TECTA: variants seen among roughly 807,000 people sequenced by gnomAD.
TECTA encodes tectorin alpha.
Under a neutral mutation model 216.8 loss-of-function variants are expected in TECTA, and 128 were observed. The ratio of observed to expected loss-of-function variants is 0.59; its 90% CI spans 0.51 to 0.68. The LOEUF (loss-of-function observed/expected upper bound fraction) is 0.68, where lower values mean the gene tolerates loss of function less well. Ranked by LOEUF, TECTA falls within the 30% of genes least tolerant of loss-of-function variation. The pLI is 0.00. For synonymous variants in TECTA, 1,089 were observed against 1,117.1 expected, an observed-to-expected ratio of 0.97 and a Z score of 0.50; for missense variants, 2,551 against 2,786.2, an observed-to-expected ratio of 0.92 and a Z score of 1.90.
intron 20 of TECTA, among the ~76,000 whole-genome samples, chr11:121,177,988 T>C (rs1302844105): frequency 6.6e-6 from 1 of 152,232 alleles, no homozygotes; most frequent in Admixed American, 6.5e-5. Flanking sequence ...GAGCCAGGTG[T>C]GGGATATAAT....
Position 121,137,787 on chromosome 11 carries a change from C to G in TECTA, c.3308C>G (p.Ser1103Ter). Reference sequence around the variant, plus strand: ...CGCACCGACGCCTCCTGCATCGTCTCAGGCTACGGCCACTACCTCACCTTT... The same window carrying G: ...CGCACCGACGCCTCCTGCATCGTCTGAGGCTACGGCCACTACCTCACCTTT... ...QARTDASCIVSGYGHYLTFDG... is the reference protein window; with the variant it reads ...QARTDASCIV Residue 1103 changes from serine to a stop codon, truncating the protein, a stop_gained, in exon 11 of 24, where the codon TCA becomes TGA. Transcript: ENST00000392793. LOFTEE classifies it high-confidence loss of function. The G allele has an allele frequency of 6.2e-7, 1 of 1,614,148 alleles. No individual in the cohort carries two copies. Among genetic ancestry groups the G allele is most frequent in the Non-Finnish European group, 8.5e-7 (1 of 1,179,982 alleles).
intron 1 of TECTA, 68 bp from the exon 2 acceptor site, chr11:121,102,597 C>T: frequency 8.1e-7 from 1 of 1,233,352 alleles, no homozygotes; most frequent in South Asian, 1.2e-5. Context: ...AGCCACTAAA[C>T]ACACCTGGTG....
chr11:121,185,249 T>C (rs557170334), intron 20 of TECTA, among the ~76,000 whole-genome samples: 81 of 152,374 alleles, frequency 5.3e-4, no homozygotes, highest in African/African-American at 1.9e-3. Flanking sequence ...TATTGTTTTT[T>C]TCCAGTGCAT....
At chr11:121,107,347 G>C (rs899780648) in intron 3 of TECTA, among the ~76,000 whole-genome samples, 4 of 152,198 alleles carry the variant, frequency 2.6e-5, no homozygotes, top group Non-Finnish European at 4.4e-5. Flanking sequence ...ATTTATTTGA[G>C]GGTAAATTGT....
At chr11:121,182,414 C>T (rs888033901) in intron 20 of TECTA, among the ~76,000 whole-genome samples, 1 of 151,994 alleles carries the variant, frequency 6.6e-6, no homozygotes, top group Non-Finnish European at 1.5e-5. Flanking sequence ...TGGGCCTGCC[C>T]TCAGTTTCCC....
intron 11 of TECTA, among the ~76,000 whole-genome samples, chr11:121,142,604 C>T (rs1198034800): frequency 1.3e-5 from 2 of 152,162 alleles, no homozygotes; most frequent in South Asian, 2.1e-4. Context: ...TGCAAGGTAA[C>T]TTAGGAAGAA....
In TECTA at chr11:121,113,093, C is replaced by G. The variant is rs1293383958; in HGVS notation, c.508C>G (p.Leu170Val). Residue 170 changes from leucine (L) to valine (V), a missense_variant, in exon 5 of 24, where the codon CTA becomes GTA. Physicochemically the swap from Leu to Val is conservative, Grantham distance 32 (BLOSUM62 1). This residue lies in a region of TECTA where 2,375 missense variants were observed against 2,563.9 expected (regional missense o/e 0.93). Transcript: ENST00000392793. The surrounding 1 kb of genome is among the most constrained non-coding windows in gnomAD (Gnocchi z 4.2). ...GTAGGTGAACACCTTCCAGGCCGTC[C>G]TAGTGTCCGATGGCTCCTATACATT... ...TTPVNTFQAVLVSDGSYTFTL... is the reference protein window; with the variant it reads ...TTPVNTFQAVVVSDGSYTFTL... 2.5e-6 allele frequency: 4 copies of G among 1,614,102 alleles called. No homozygotes were observed. Among genetic ancestry groups the G allele is most frequent in the Non-Finnish European group, 2.5e-6 (3 of 1,180,010 alleles).
chr11:121,117,495 T>G (rs2135065858), intron 6 of TECTA, among the ~76,000 whole-genome samples: 1 of 152,352 alleles, frequency 6.6e-6, no homozygotes, highest in East Asian at 1.9e-4. Flanking sequence ...CAGAAATGAT[T>G]TTAAAGACTG....
At chr11:121,154,235 G>A (rs1946920344) in intron 13 of TECTA, among the ~76,000 whole-genome samples, 1 of 152,148 alleles carries the variant, frequency 6.6e-6, no homozygotes, top group African/African-American at 2.4e-5. Flanking sequence ...AAGATACATT[G>A]ACTCATTCAA....
chr11:121,168,243 A>G (rs776721511), intron 19 of TECTA, 26 bp downstream of exon 19: 4 of 1,613,922 alleles, frequency 2.5e-6, no homozygotes, highest in African/African-American at 2.7e-5. Flanking sequence ...GGCTGTGCAC[A>G]TTGCTTTTTC....
chr11:121,143,358 G>C (rs1032212042), intron 11 of TECTA, among the ~76,000 whole-genome samples: 1 of 152,174 alleles, frequency 6.6e-6, no homozygotes, highest in African/African-American at 2.4e-5. Context: ...CTTTGCTGGG[G>C]CTGAGCCCTT....
intron 12 of TECTA, among the ~76,000 whole-genome samples, chr11:121,147,065 A>G (rs977153692): frequency 5.3e-5 from 8 of 151,900 alleles, no homozygotes; most frequent in Non-Finnish European, 8.8e-5. Flanking sequence ...GCACATAAGA[A>G]TAGGAAAAAC....
intron 7 of TECTA, among the ~76,000 whole-genome samples, chr11:121,120,667 C>G (rs1444965551): frequency 6.6e-6 from 1 of 152,114 alleles, no homozygotes; most frequent in Non-Finnish European, 1.5e-5. Flanking sequence ...GAACTGTTCT[C>G]AAATAACAAA....
In TECTA at chr11:121,158,142, C is replaced by T. The variant is rs150123288; in HGVS notation, c.4607C>T (p.Ala1536Val). The T allele has an allele frequency of 4.6e-5, 74 of 1,614,034 alleles. No homozygotes were observed. Among genetic ancestry groups the T allele is most frequent in the Non-Finnish European group, 5.6e-5 (66 of 1,180,058 alleles). Residue 1536 changes from alanine (A) to valine (V), a missense_variant, in exon 14 of 24, where the codon GCC (alanine) becomes GTC (valine). By Grantham distance (64) the Ala-to-Val change is moderately conservative. Around this residue, in one of 3 missense-constraint regions of TECTA, gnomAD observed 2,375 missense variants for 2,563.9 expected, o/e 0.93. Coordinates refer to ENST00000392793, the MANE Select transcript of TECTA (RefSeq NM_005422.4). The stretch of plus-strand genomic sequence containing the variant: ...ATCATCAACTTCGACAAGTGGTCGG[C>T]CCCCAACCTCACCATCATTTCGCCC... ...QLIINFDKWS[A>V]PNLTIISPVY... is the part of the protein sequence containing the mutation.
intron 10 of TECTA, 37 bp downstream of exon 10, chr11:121,130,248 C>G (rs2135085526): frequency 6.3e-7 from 1 of 1,594,780 alleles, no homozygotes; most frequent in South Asian, 1.1e-5. Context: ...GGCTTTCTAG[C>G]TGGGAAATAG....
intron 2 of TECTA, among the ~76,000 whole-genome samples, chr11:121,104,879 A>C (rs1163622738): frequency 1.3e-5 from 2 of 152,192 alleles, no homozygotes; most frequent in African/African-American, 4.8e-5. Context: ...AGAAAACGAT[A>C]GTGTCCTATT....
intron 20 of TECTA, among the ~76,000 whole-genome samples, chr11:121,186,085 C>G (rs7950879): frequency 3.5e-4 from 33 of 93,754 alleles, no homozygotes; most frequent in African/African-American, 1.4e-3. Context: ...AGCAGATGTT[C>G]AATGCTTAAT....
At chr11:121,172,382 C>T (rs1475368559) in intron 20 of TECTA, among the ~76,000 whole-genome samples, 2 of 151,730 alleles carry the variant, frequency 1.3e-5, no homozygotes, top group Non-Finnish European at 2.9e-5. Context: ...CGTTCCCCTT[C>T]CTGTGTCCAT....
intron 2 of TECTA, among the ~76,000 whole-genome samples, chr11:121,104,386 G>A (rs893352439): frequency 2.0e-5 from 3 of 152,098 alleles, no homozygotes; most frequent in African/African-American, 7.2e-5. Context: ...ACCCGACACA[G>A]CGCCTCCTAC....
Sources: allele counts gnomAD v4.1 joint callset (sites outside exome capture counted in the v4.1 genomes callset), GRCh38; gene constraint gnomAD v4.1.1; regional missense constraint gnomAD v4.1.1; non-coding constraint Gnocchi (gnomAD v3.1); transcripts MANE v1.5; gene names NCBI Gene and HGNC (gene_info 2026-07-23, HGNC 2026-07-21).